ZNF638: variants seen among roughly 807,000 people sequenced by gnomAD.
ZNF638 encodes zinc finger protein 638, also known as CTCL tumor antigen se33-1.
Under a neutral mutation model 195.6 loss-of-function variants are expected in ZNF638, and 46 were observed. The ratio of observed to expected loss-of-function variants is 0.24; its 90% CI spans 0.19 to 0.30. The LOEUF is 0.30. ZNF638 is among the 10% of genes least tolerant of loss of function. The probability of loss-of-function intolerance (pLI) is 1.00; values close to 1 mark genes in which losing one functional copy is unlikely to be tolerated. For missense variants in ZNF638, 2,440 were observed against 2,325.3 expected, an observed-to-expected ratio of 1.05 and a Z score of -1.01; for synonymous variants, 845 against 772.0, an observed-to-expected ratio of 1.09 and a Z score of -1.57.
intron 26 of ZNF638, 93 bp downstream of exon 26, chr2:71,431,521 A>T: frequency 9.3e-7 from 1 of 1,074,108 alleles, no homozygotes; most frequent in Non-Finnish European, 1.4e-6. Context: ...GCACTTCGGG[A>T]GGCCGAGGCG....
intron 2 of ZNF638, among the ~76,000 whole-genome samples, chr2:71,354,217 C>T (rs1304078230): frequency 2.0e-5 from 3 of 152,096 alleles, no homozygotes; most frequent in Admixed American, 2.0e-4. Flanking sequence ...TGTTGAAATA[C>T]GAAGTTATTT....
chr2:71,431,605 A>C (rs957266451), intron 26 of ZNF638, among the ~76,000 whole-genome samples, 177 bp downstream of exon 26: 2 of 152,204 alleles, frequency 1.3e-5, no homozygotes, highest in African/African-American at 4.8e-5. Flanking sequence ...TAAAAGGTAC[A>C]AAAAATTAGC....
At chr2:71,397,538 G>A (rs1274130463) in intron 11 of ZNF638, among the ~76,000 whole-genome samples, 1 of 152,092 alleles carries the variant, frequency 6.6e-6, no homozygotes, top group Non-Finnish European at 1.5e-5. Context: ...TTCTCATAAC[G>A]TTCCTGTTAG....
At chr2:71,391,483 ATTAT>A (rs1237712234) in intron 10 of ZNF638, among the ~76,000 whole-genome samples, 1 of 152,196 alleles carries the variant, frequency 6.6e-6, no homozygotes, top group Non-Finnish European at 1.5e-5. Context: ...TAATTGCAAG[ATTAT>A]TCATTTTGTA....
chr2:71,405,569 AC>A, intron 17 of ZNF638, 31 bp from the exon 18 acceptor site: 1 of 1,404,976 alleles, frequency 7.1e-7, no homozygotes, highest in Non-Finnish European at 9.9e-7. Context: ...AAGAGCTTAT[AC>A]CATCAACCTT....
chr2:71,332,638 G>T (rs887147704), intron 1 of ZNF638, among the ~76,000 whole-genome samples: 1 of 152,172 alleles, frequency 6.6e-6, no homozygotes, highest in African/African-American at 2.4e-5. Context: ...CTTAGCTTGG[G>T]CCCCGTTCTC....
intron 24 of ZNF638, 37 bp downstream of exon 24, chr2:71,427,451 A>G: frequency 7.1e-7 from 1 of 1,407,546 alleles, no homozygotes; most frequent in Non-Finnish European, 9.5e-7. Context: ...CTGTTTTATG[A>G]GGGGATTACA....
At chr2:71,420,209 CTTGTT>C (rs1286131829) in intron 21 of ZNF638, among the ~76,000 whole-genome samples, 3 of 151,512 alleles carry the variant, frequency 2.0e-5, no homozygotes, top group Non-Finnish European at 4.4e-5. Flanking sequence ...ACTACATGCA[CTTGTT>C]TTGTTTTGTT....
At chr2:71,421,419 A>G (rs1225271031) in intron 21 of ZNF638, among the ~76,000 whole-genome samples, 2 of 152,150 alleles carry the variant, frequency 1.3e-5, no homozygotes, top group African/African-American at 4.8e-5. Context: ...GATAGAATAT[A>G]TATTGATTAA....
At chr2:71,348,619 C>T in intron 1 of ZNF638, 134 bp from the exon 2 acceptor site, 2 of 1,229,302 alleles carry the variant, frequency 1.6e-6, no homozygotes, top group Non-Finnish European at 2.1e-6. Context: ...TCTTCGTAAG[C>T]CCTTACTCTA....
intron 10 of ZNF638, chr2:71,388,871 A>G (rs1397233764): frequency 3.1e-6 from 2 of 639,822 alleles, no homozygotes; most frequent in South Asian, 1.8e-5. Context: ...CCTCGGTTTC[A>G]CAGGCTCAGT....
intron 10 of ZNF638, chr2:71,393,459 A>G (rs1201888649): frequency 2.8e-6 from 2 of 718,222 alleles, no homozygotes; most frequent in South Asian, 1.5e-5. Flanking sequence ...CCAACACAGT[A>G]CCAGAAGTGA....
Position 71,398,617 on chromosome 2 carries a change from T to C in ZNF638, c.2429-84T>C, listed in dbSNP as rs185054873. The C allele has an allele frequency of 1.9e-5, 21 of 1,083,274 alleles. No individual in the cohort carries two copies. In the East Asian group the frequency reaches 4.7e-4, roughly 24 times the overall value. 67.1% of individuals were successfully genotyped at this position (1,083,274 alleles called of 1,614,324 possible). A position where few individuals can be genotyped will look rare whatever the true frequency, so the allele number is the denominator to read the frequency against. On this transcript the variant is annotated intron_variant, in intron 11 of 27. Coordinates refer to ENST00000264447, the MANE Select transcript of ZNF638 (RefSeq NM_014497.5). Reference sequence around the variant, plus strand: ...TGAATAAAACACAGCCTATTATTCTTACATCTTTTTCTCTGTGAGGTTCTT... The same window carrying C: ...TGAATAAAACACAGCCTATTATTCTCACATCTTTTTCTCTGTGAGGTTCTT...
intron 2 of ZNF638, among the ~76,000 whole-genome samples, chr2:71,350,928 A>G (rs2104186048): frequency 6.6e-6 from 1 of 152,342 alleles, no homozygotes; most frequent in South Asian, 2.1e-4. Flanking sequence ...TGATTTAGGT[A>G]GTTTGATAGT....
intron 2 of ZNF638, 55 bp downstream of exon 2, chr2:71,350,326 CTA>C: frequency 1.3e-6 from 2 of 1,527,430 alleles, no homozygotes; most frequent in Non-Finnish European, 1.8e-6. Flanking sequence ...CCAGTTTTCT[CTA>C]AATTCTGATA....
At chr2:71,434,401 C>T (rs1045440472) in intron 27 of ZNF638, among the ~76,000 whole-genome samples, 3 of 152,178 alleles carry the variant, frequency 2.0e-5, no homozygotes, top group Non-Finnish European at 2.9e-5. Context: ...GCCTCAATTA[C>T]GTTGTTGCAC....
At chr2:71,428,015 G>C (rs927947361) in intron 24 of ZNF638, among the ~76,000 whole-genome samples, 1 of 151,996 alleles carries the variant, frequency 6.6e-6, no homozygotes, top group Non-Finnish European at 1.5e-5. Flanking sequence ...AGCCTAGCAA[G>C]ACTCCGTCTC....
chr2:71,368,543 C>T lies in ZNF638; in HGVS notation c.2142+15C>T, dbSNP rs571637849. 1.2e-6 allele frequency: 2 copies of T among 1,607,928 alleles called. No individual in the cohort carries two copies. The highest frequency in any genetic ancestry group is 1.7e-6 in the Non-Finnish European group (2 of 1,178,388). On this transcript the variant is annotated intron_variant, in intron 7 of 27. Transcript: ENST00000264447. Reference sequence around the variant, plus strand: ...ATAGAAAAGAGGTGAGTCATTTAGTCTGTGGCAAAAATTCATACAAAGTGA... The same window carrying T: ...ATAGAAAAGAGGTGAGTCATTTAGTTTGTGGCAAAAATTCATACAAAGTGA...
At chr2:71,433,521 C>T (rs2080708396) in intron 27 of ZNF638, 1 of 382,696 alleles carries the variant, frequency 2.6e-6, no homozygotes, top group Non-Finnish European at 4.7e-6. Flanking sequence ...TCTCATATGA[C>T]ACTCCATTAT....
Sources: allele counts gnomAD v4.1 joint callset (sites outside exome capture counted in the v4.1 genomes callset), GRCh38; gene constraint gnomAD v4.1.1; transcripts MANE v1.5; gene names NCBI Gene and HGNC (gene_info 2026-07-23, HGNC 2026-07-21).